The following ENPP2 variants were observed in gnomAD, a reference collection of about 807,000 sequenced individuals.
ENPP2 encodes the protein ectonucleotide pyrophosphatase/phosphodiesterase 2.
Under a neutral mutation model 120.2 loss-of-function variants are expected in ENPP2, and 51 were observed. The observed-to-expected ratio is 0.42, with a 90% CI of 0.34 to 0.54. The LOEUF (loss-of-function observed/expected upper bound fraction) is 0.54. Ranked by LOEUF, ENPP2 falls within the 20% of genes least tolerant of loss-of-function variation. ENPP2 has a pLI of 0.04. For missense variants in ENPP2, 920 were observed against 1,066.5 expected (o/e 0.86, Z 1.91); for synonymous variants, 365 against 366.4 (o/e 1.00, Z 0.04).
chr8:119,671,549 G>A (rs1818249169), intron 1 of ENPP2, among the ~76,000 whole-genome samples: 1 of 152,030 alleles, frequency 6.6e-6, no homozygotes, highest in Non-Finnish European at 1.5e-5. Context: ...AGTCACCTAG[G>A]GTGATTCTGT....
chr8:119,572,832 T>C (rs1815118264), intron 19 of ENPP2: 1 of 153,568 alleles, frequency 6.5e-6, no homozygotes, highest in African/African-American at 2.4e-5. Flanking sequence ...ACAGATGCCA[T>C]GTGGTCTGCA....
intron 1 of ENPP2, among the ~76,000 whole-genome samples, chr8:119,654,154 T>C (rs1180846175): frequency 1.4e-5 from 2 of 142,456 alleles, no homozygotes; most frequent in Non-Finnish European, 3.0e-5. Flanking sequence ...TATATAAGTA[T>C]CTATATATAA....
chr8:119,619,759 G>A (rs1487952772), intron 4 of ENPP2, among the ~76,000 whole-genome samples: 1 of 146,636 alleles, frequency 6.8e-6, no homozygotes, highest in East Asian at 2.0e-4. Flanking sequence ...ATAAGTGGAA[G>A]ATTACAATAG....
intron 24 of ENPP2, 135 bp from the exon 25 acceptor site, chr8:119,557,826 G>C: frequency 3.3e-6 from 2 of 609,178 alleles, no homozygotes; most frequent in African/African-American, 1.9e-5. Flanking sequence ...ATCCTTCCTG[G>C]CCTCCCTGCC....
chr8:119,657,306 G>A (rs1448491980), intron 1 of ENPP2, among the ~76,000 whole-genome samples: 1 of 152,202 alleles, frequency 6.6e-6, no homozygotes, highest in East Asian at 1.9e-4. Context: ...CTGTGGTAGA[G>A]AAATGATTTA....
At chr8:119,627,915 C>G (rs1816398332) in intron 2 of ENPP2, among the ~76,000 whole-genome samples, 1 of 148,342 alleles carries the variant, frequency 6.7e-6, no homozygotes, top group Admixed American at 6.8e-5. Flanking sequence ...AAAGACATAC[C>G]ACCTTAAAGG....
At chr8:119,621,881 T>C (rs910554723) in intron 3 of ENPP2, among the ~76,000 whole-genome samples, 1 of 152,190 alleles carries the variant, frequency 6.6e-6, no homozygotes, top group African/African-American at 2.4e-5. Context: ...CCTCTATAGC[T>C]TGGCTCTTTT....
chr8:119,599,869 T>C (rs1814163613), intron 11 of ENPP2, among the ~76,000 whole-genome samples: 1 of 152,040 alleles, frequency 6.6e-6, no homozygotes, highest in Non-Finnish European at 1.5e-5. Context: ...TAGCCGAGCA[T>C]GGTGGTGCAC....
chr8:119,629,948 C>T (rs538011909), intron 2 of ENPP2, among the ~76,000 whole-genome samples: 13 of 152,144 alleles, frequency 8.5e-5, no homozygotes, highest in Non-Finnish European at 1.6e-4. Flanking sequence ...TTCATTCCCA[C>T]GAGCTGCTTA....
chr8:119,618,649 C>T (rs1815651002), intron 5 of ENPP2, among the ~76,000 whole-genome samples: 1 of 151,752 alleles, frequency 6.6e-6, no homozygotes, highest in South Asian at 2.1e-4. Flanking sequence ...AAGCGATTCT[C>T]ATGCCTCTGC....
intron 20 of ENPP2, 45 bp from the exon 21 acceptor site, chr8:119,569,415 CG>C: frequency 6.2e-7 from 1 of 1,601,976 alleles, no homozygotes; most frequent in Non-Finnish European, 8.5e-7. Context: ...GGCTCTGTTA[CG>C]AACGGCTGAA....
At chr8:119,586,646 G>A (rs774017713) in intron 14 of ENPP2, among the ~76,000 whole-genome samples, 9 of 152,088 alleles carry the variant, frequency 5.9e-5, no homozygotes, top group Non-Finnish European at 1.3e-4. Flanking sequence ...GGTGTCGGTG[G>A]GAGGGGAGGA....
At chr8:119,578,090 G>A (rs1187595932) in intron 19 of ENPP2, among the ~76,000 whole-genome samples, 5 of 152,088 alleles carry the variant, frequency 3.3e-5, no homozygotes, top group East Asian at 3.9e-4. Context: ...TCGCTCTGTC[G>A]CCCAGGTTGC....
intron 24 of ENPP2, 113 bp from the exon 25 acceptor site, chr8:119,557,804 C>A: frequency 1.2e-6 from 1 of 825,366 alleles, no homozygotes; most frequent in Non-Finnish European, 1.8e-6. Context: ...CACACAGAGC[C>A]AACGCATGTT....
intron 19 of ENPP2, among the ~76,000 whole-genome samples, chr8:119,579,118 C>T (rs1329672238): frequency 6.6e-6 from 1 of 152,154 alleles, no homozygotes; most frequent in Non-Finnish European, 1.5e-5. Flanking sequence ...ATCCCATCTA[C>T]TTTAGTAACA....
intron 1 of ENPP2, among the ~76,000 whole-genome samples, chr8:119,663,092 G>A (rs1817968697): frequency 6.7e-6 from 1 of 148,620 alleles, no homozygotes; most frequent in South Asian, 2.1e-4. Context: ...ACTCCAGCCT[G>A]GGCAACACAG....
intron 1 of ENPP2, among the ~76,000 whole-genome samples, chr8:119,665,436 T>C (rs1818041588): frequency 1.3e-5 from 2 of 152,144 alleles, no homozygotes; most frequent in South Asian, 2.1e-4. Context: ...ACCAAAACAC[T>C]AGGCAGTGCA....
chr8:119,629,998 A>G (rs945799625), intron 2 of ENPP2, among the ~76,000 whole-genome samples: 4 of 152,216 alleles, frequency 2.6e-5, no homozygotes, highest in African/African-American at 9.6e-5. Context: ...GAGATACTTC[A>G]AAGAGATCTA....
chr8:119,598,616 A>G (rs898703598), intron 11 of ENPP2, among the ~76,000 whole-genome samples: 4 of 152,240 alleles, frequency 2.6e-5, no homozygotes, highest in African/African-American at 9.6e-5. Context: ...TAGAAACCCA[A>G]AGATGTTTAT....
Sources: allele counts gnomAD v4.1 joint callset (sites outside exome capture counted in the v4.1 genomes callset), GRCh38; gene constraint gnomAD v4.1.1; transcripts MANE v1.5; gene names NCBI Gene and HGNC (gene_info 2026-07-23, HGNC 2026-07-21).